Variants in EMSY observed in about 807,000 individuals in gnomAD.
EMSY encodes BRCA2-interacting transcriptional repressor EMSY.
A neutral mutation model predicts 134.6 loss-of-function variants in EMSY; 26 were observed. That is an observed-to-expected ratio of 0.19 (90% CI 0.14 to 0.27). The LOEUF (loss-of-function observed/expected upper bound fraction) is 0.27. Among genes scored for constraint, EMSY ranks in the 10% least tolerant of loss-of-function variants. EMSY has a pLI of 1.00. For missense variants in EMSY, 1,305 were observed against 1,611.4 expected (o/e 0.81, Z 3.26); for synonymous variants, 579 against 577.8 (o/e 1.00, Z -0.03).
At chr11:76,464,160 T>TA (rs1948256102) in intron 7 of EMSY, 80 bp downstream of exon 8, 2 of 1,510,296 alleles carry the variant, frequency 1.3e-6, no homozygotes, top group African/African-American at 1.4e-5. Flanking sequence ...ATGCACTGAG[T>TA]GCTTACTATG....
intron 5 of EMSY, 198 bp downstream of exon 6, chr11:76,458,556 G>A: frequency 2.1e-6 from 1 of 484,216 alleles, no homozygotes; most frequent in Non-Finnish European, 3.4e-6. Flanking sequence ...TTTTGTCGAA[G>A]GTGTGAATTA....
exon 5 of EMSY, chr11:76,458,223 G>A: frequency 6.2e-7 from 1 of 1,614,048 alleles, no homozygotes; most frequent in Non-Finnish European, 8.5e-7. Context: ...GTCCATTGAA[G>A]GTCGTCGATT....
At chr11:76,498,431 C>G (rs1949732441) in intron 9 of EMSY, among the ~76,000 whole-genome samples, 1 of 151,918 alleles carries the variant, frequency 6.6e-6, no homozygotes, top group Admixed American at 6.6e-5. Flanking sequence ...TAATAAAGTC[C>G]CCAACTAATT....
chr11:76,445,529 G>A (rs982890494), intron 1 of EMSY, among the ~76,000 whole-genome samples: 1 of 152,116 alleles, frequency 6.6e-6, no homozygotes, highest in Non-Finnish European at 1.5e-5. Flanking sequence ...GCCTGGGCTG[G>A]CTGCTCTTGT....
chr11:76,538,355 G>A (rs1394668661), intron 16 of EMSY, among the ~76,000 whole-genome samples: 2 of 152,144 alleles, frequency 1.3e-5, no homozygotes, highest in Non-Finnish European at 2.9e-5. Flanking sequence ...AACTTCCTGG[G>A]CTCAGGTGAT....
At chr11:76,482,921 G>A (rs113188938) in intron 8 of EMSY, among the ~76,000 whole-genome samples, 15 of 152,238 alleles carry the variant, frequency 9.9e-5, no homozygotes, top group African/African-American at 2.4e-4. Context: ...GATACTCCTC[G>A]AGAAGAGCAA....
chr11:76,492,627 G>A (rs7936656), intron 8 of EMSY, among the ~76,000 whole-genome samples: 40,953 of 152,128 alleles, frequency 0.27, 5,818 homozygotes, highest in Non-Finnish European at 0.32. Flanking sequence ...AGATGCTGCA[G>A]TGGGGGAGGC....
At chr11:76,521,765 TAAA>T (rs757237301) in intron 11 of EMSY, among the ~76,000 whole-genome samples, 5 of 127,016 alleles carry the variant, frequency 3.9e-5, no homozygotes, top group Non-Finnish European at 6.8e-5. Context: ...CTGTTTCTCT[TAAA>T]AAAAAAAAAA....
intron 8 of EMSY, among the ~76,000 whole-genome samples, chr11:76,494,656 TTCCTTCCTTCCTTCC>T (rs1565314636): frequency 1.8e-3 from 3 of 1,682 alleles, no homozygotes; most frequent in African/African-American, 4.3e-3. Context: ...TTTCCCTTCC[TTCCTTCCTTCCTTCC>T]TTCCTTCCTT....
Position 76,451,977 on chromosome 11 carries a change from T to C in EMSY, c.170+20T>C, listed in dbSNP as rs1590771488. On this transcript the variant is annotated intron_variant, in intron 3 of 20. Transcript: ENST00000334736. ...TCTTAGGTAAATTATTGTAAATGTT[T>C]GTGAGACTCTAGAAATTTCATTTTG... The C allele has an allele frequency of 2.1e-6, 3 of 1,438,820 alleles. No individual in the cohort carries two copies. The highest frequency in any genetic ancestry group is 2.8e-6 in the Non-Finnish European group (3 of 1,064,400). The allele number at this position is 1,438,820 out of a possible 1,614,324, so 89.1% of individuals were successfully genotyped here. A position where few individuals can be genotyped will look rare whatever the true frequency, so the allele number is the denominator to read the frequency against.
chr11:76,477,278 T>TG (rs1334505364), intron 8 of EMSY, among the ~76,000 whole-genome samples: 1 of 150,756 alleles, frequency 6.6e-6, no homozygotes, highest in Non-Finnish European at 1.5e-5. Context: ...CTGTTTTTTT[T>TG]TTTGTTTTTG....
intron 9 of EMSY, among the ~76,000 whole-genome samples, chr11:76,509,062 A>G (rs1950180202): frequency 6.6e-6 from 1 of 152,186 alleles, no homozygotes. Context: ...CAATTATAAT[A>G]GTAACATCAA....
intron 9 of EMSY, among the ~76,000 whole-genome samples, chr11:76,507,865 C>CT (rs55756987): frequency 5.2e-4 from 62 of 118,610 alleles, no homozygotes; most frequent in African/African-American, 8.7e-4. Flanking sequence ...TTTTCTTTTT[C>CT]TTTTTTTTTT....
chr11:76,500,049 C>T (rs540824620), intron 9 of EMSY, among the ~76,000 whole-genome samples: 1 of 145,670 alleles, frequency 6.9e-6, no homozygotes, highest in Non-Finnish European at 1.5e-5. Flanking sequence ...TGCACTCCAG[C>T]GTGGGCTACA....
At chr11:76,493,793 C>A (rs770108469) in intron 8 of EMSY, among the ~76,000 whole-genome samples, 32 of 152,238 alleles carry the variant, frequency 2.1e-4, no homozygotes, top group Non-Finnish European at 2.6e-4. Flanking sequence ...CTTCATTCTT[C>A]CTGGATGCGA....
At chr11:76,513,267 A>G (rs965591522) in intron 9 of EMSY, 119 bp from the exon 11 acceptor site, 8 of 867,372 alleles carry the variant, frequency 9.2e-6, no homozygotes, top group Non-Finnish European at 1.3e-5. Context: ...CAGTATTAAA[A>G]AAAACTTCTC....
At chr11:76,540,957 G>T (rs1161478269) in intron 17 of EMSY, among the ~76,000 whole-genome samples, 1 of 152,226 alleles carries the variant, frequency 6.6e-6, no homozygotes, top group East Asian at 1.9e-4. Flanking sequence ...AAGTGTGGTG[G>T]CTCATGCCTG....
At chr11:76,522,399 G>T (rs1950679757) in intron 11 of EMSY, among the ~76,000 whole-genome samples, 1 of 103,372 alleles carries the variant, frequency 9.7e-6, no homozygotes, top group African/African-American at 3.8e-5. Flanking sequence ...ATCGAGTCTT[G>T]CTCTGTAGCC....
At chr11:76,543,652 C>T (rs1250535508) in intron 18 of EMSY, among the ~76,000 whole-genome samples, 4 of 152,194 alleles carry the variant, frequency 2.6e-5, no homozygotes, top group East Asian at 1.9e-4. Flanking sequence ...AGTCTCCTTC[C>T]GTCCTGGGAG....
Sources: gnomAD v4.1 joint callset for allele counts (sites outside exome capture counted in the v4.1 genomes callset) on GRCh38, gnomAD v4.1.1 for gene constraint, MANE v1.5 for transcripts, NCBI Gene and HGNC (gene_info 2026-07-23, HGNC 2026-07-21) for gene names.